The following HMCN1 variants were observed in gnomAD, a reference collection of about 807,000 sequenced individuals.
HMCN1 encodes the protein hemicentin-1.
Under a neutral mutation model 625.9 loss-of-function variants are expected in HMCN1, and 321 were observed. The observed-to-expected ratio is 0.51, with a 90% CI of 0.47 to 0.56. The LOEUF (loss-of-function observed/expected upper bound fraction) is 0.56. Ranked by LOEUF, HMCN1 falls within the 20% of genes least tolerant of loss-of-function variation. The probability of loss-of-function intolerance (pLI) is 0.00; values close to 1 mark genes in which losing one functional copy is unlikely to be tolerated. For synonymous variants in HMCN1, 2,425 were observed against 2,417.6 expected, an observed-to-expected ratio of 1.00 and a Z score of -0.09; for missense variants, 6,588 against 6,887.3, an observed-to-expected ratio of 0.96 and a Z score of 1.54.
chr1:185,826,487 C>T lies in HMCN1; in HGVS notation c.269-19539C>T, dbSNP rs549876571. Among the ~76,000 whole-genome samples, 58 of 152,212 alleles carry T rather than the reference C, an allele frequency of 3.8e-4. 2 individuals carry two copies. In the South Asian group the frequency reaches 0.012, roughly 31 times the overall value. On this transcript the variant is annotated intron_variant, in intron 1 of 106. Transcript: ENST00000271588. ...AGGCAGTGCAACAGCTGTGCAGCTA[C>T]GAGACAGCCATTTATGAAGATGAGG...
intron 42 of HMCN1, among the ~76,000 whole-genome samples, chr1:186,050,499 T>TA (rs917779473): frequency 5.1e-4 from 77 of 150,006 alleles, no homozygotes; most frequent in African/African-American, 1.6e-3. Flanking sequence ...GAAAACCCAG[T>TA]AAAAAAAAAT....
intron 19 of HMCN1, among the ~76,000 whole-genome samples, chr1:185,984,595 G>A (rs915483834): frequency 2.0e-5 from 3 of 152,122 alleles, no homozygotes; most frequent in Admixed American, 6.6e-5. Flanking sequence ...AAAGAATTAT[G>A]TTTAAAAATA....
chr1:186,061,641 T>G (rs1657710145), intron 46 of HMCN1, among the ~76,000 whole-genome samples: 1 of 152,192 alleles, frequency 6.6e-6, no homozygotes, highest in Non-Finnish European at 1.5e-5. Context: ...ATATTTATTT[T>G]TTTATCTATT....
At chr1:186,109,669 A>G (rs1409939449) in intron 71 of HMCN1, among the ~76,000 whole-genome samples, 2 of 152,224 alleles carry the variant, frequency 1.3e-5, no homozygotes, top group Admixed American at 1.3e-4. Context: ...AAGGATCAGT[A>G]TATACTGGGT....
chr1:186,062,810 A>G (rs1466458509), intron 48 of HMCN1, among the ~76,000 whole-genome samples: 2 of 151,472 alleles, frequency 1.3e-5, no homozygotes, highest in Non-Finnish European at 1.5e-5. Context: ...TCATCTCTCA[A>G]TCCCTCTCCC....
intron 1 of HMCN1, among the ~76,000 whole-genome samples, chr1:185,756,284 T>C (rs1174539154): frequency 6.6e-6 from 1 of 152,012 alleles, no homozygotes; most frequent in East Asian, 1.9e-4. Flanking sequence ...TCAAACTGAG[T>C]GATGTCAGTT....
At chr1:185,893,193 G>A (rs979315877) in intron 4 of HMCN1, among the ~76,000 whole-genome samples, 5 of 152,224 alleles carry the variant, frequency 3.3e-5, no homozygotes, top group African/African-American at 9.6e-5. Context: ...TGCACCCAGT[G>A]ACCTGTGCCC....
chr1:185,990,842 G>C (rs973510505), intron 22 of HMCN1, among the ~76,000 whole-genome samples: 4 of 152,148 alleles, frequency 2.6e-5, no homozygotes, highest in African/African-American at 9.7e-5. Context: ...AAGTCTTCTT[G>C]CTTAAACCCT....
chr1:185,824,234 T>C (rs1253783016), intron 1 of HMCN1, among the ~76,000 whole-genome samples: 2 of 152,188 alleles, frequency 1.3e-5, no homozygotes, highest in Non-Finnish European at 2.9e-5. Context: ...TGCTAGTAAG[T>C]GGTTAAACAA....
rs566532561 is a variant in HMCN1, at chr1:186,174,613, G to A, written c.15914G>A (p.Arg5305Gln). Reference protein sequence around the residue: ...SYRCVCPRGYRSQGVGRPCMD... With the variant: ...SYRCVCPRGYQSQGVGRPCMD... The stretch of plus-strand genomic sequence containing the variant: ...CGTTGTGTATGCCCAAGAGGTTATC[G>A]GTCTCAAGGAGTTGGAAGACCCTGC... The change falls in exon 103 of 107, where the codon CGG becomes CAG. Residue 5305 changes from arginine to glutamine, a missense_variant. Coordinates refer to ENST00000271588, the MANE Select transcript of HMCN1 (RefSeq NM_031935.3). The A allele has an allele frequency of 3.2e-5, 51 of 1,613,974 alleles. No homozygotes were observed. The highest frequency in any genetic ancestry group is 9.9e-5 in the South Asian group (9 of 91,074).
intron 1 of HMCN1, among the ~76,000 whole-genome samples, chr1:185,832,378 G>A (rs914336022): frequency 5.3e-5 from 8 of 152,120 alleles, no homozygotes; most frequent in Non-Finnish European, 1.2e-4. Context: ...GGGGAGTAAT[G>A]ATGTGGGACT....
At chr1:185,964,411 C>T (rs1650248914) in intron 13 of HMCN1, among the ~76,000 whole-genome samples, 1 of 152,032 alleles carries the variant, frequency 6.6e-6, no homozygotes. Flanking sequence ...GAATAATATA[C>T]TCAGATCCAG....
chr1:185,897,029 T>A (rs1406700185), intron 4 of HMCN1, among the ~76,000 whole-genome samples: 1 of 152,206 alleles, frequency 6.6e-6, no homozygotes, highest in Non-Finnish European at 1.5e-5. Flanking sequence ...TGGTCATAGT[T>A]AAATGGCATC....
chr1:186,029,915 T>C (rs80266028), intron 36 of HMCN1, among the ~76,000 whole-genome samples: 2,883 of 152,142 alleles, frequency 0.019, 88 homozygotes, highest in African/African-American at 0.06. Flanking sequence ...AGTTTTGGCA[T>C]GTTTTTATTT....
chr1:185,905,412 A>G (rs1426518830), intron 4 of HMCN1, among the ~76,000 whole-genome samples: 1 of 151,800 alleles, frequency 6.6e-6, no homozygotes, highest in African/African-American at 2.4e-5. Context: ...CGGATAAAAA[A>G]TAACAACAGC....
intron 2 of HMCN1, among the ~76,000 whole-genome samples, chr1:185,855,795 C>G (rs1027590254): frequency 6.6e-6 from 1 of 152,214 alleles, no homozygotes; most frequent in East Asian, 1.9e-4. Flanking sequence ...GTTACCTTTA[C>G]TGTGCCTGGA....
At chr1:185,917,307 G>T (rs751364628) in intron 6 of HMCN1, among the ~76,000 whole-genome samples, 12 of 152,034 alleles carry the variant, frequency 7.9e-5, no homozygotes, top group Admixed American at 6.6e-4. Context: ...TATGCCATAG[G>T]GTGCAAATCT....
intron 1 of HMCN1, among the ~76,000 whole-genome samples, chr1:185,830,391 C>T (rs61315386): frequency 0.057 from 8,632 of 151,960 alleles, 828 homozygotes; most frequent in African/African-American, 0.19. Flanking sequence ...GGTTTTACAT[C>T]GAAGTTTTTA....
chr1:185,807,115 G>T (rs1659223219), intron 1 of HMCN1, among the ~76,000 whole-genome samples: 1 of 152,082 alleles, frequency 6.6e-6, no homozygotes, highest in Non-Finnish European at 1.5e-5. Context: ...AAAAAAAGCA[G>T]TTTTCTGTTA....
Sources: allele counts gnomAD v4.1 joint callset (sites outside exome capture counted in the v4.1 genomes callset), GRCh38; gene constraint gnomAD v4.1.1; transcripts MANE v1.5; gene names NCBI Gene and HGNC (gene_info 2026-07-23, HGNC 2026-07-21).